The following ZC2HC1B variants were observed in gnomAD, a reference collection of about 807,000 sequenced individuals.
ZC2HC1B encodes the protein zinc finger C2HC-type containing 1B, also known as zinc finger C2HC domain-containing protein 1B.
In ZC2HC1B, 36 loss-of-function variants were observed where a neutral mutation model predicts 31.0. The observed-to-expected ratio is 1.16, with a 90% CI of 0.89 to 1.54. The LOEUF is 1.54. Among genes scored for constraint, ZC2HC1B ranks in the 40% most tolerant of loss-of-function variants. The pLI is 0.00. For synonymous variants in ZC2HC1B, 73 were observed against 88.0 expected, an observed-to-expected ratio of 0.83 and a Z score of 0.95; for missense variants, 260 against 268.6, an observed-to-expected ratio of 0.97 and a Z score of 0.22.
chr6:143,873,457 C>T (rs536336548), intron 1 of ZC2HC1B, among the ~76,000 whole-genome samples: 2 of 152,258 alleles, frequency 1.3e-5, no homozygotes, highest in South Asian at 4.1e-4. Flanking sequence ...CACAGCTCCA[C>T]CAGGGACTCT....
At chr6:143,925,140 T>C (rs939682497) in intron 6 of ZC2HC1B, among the ~76,000 whole-genome samples, 5 of 151,750 alleles carry the variant, frequency 3.3e-5, no homozygotes, top group Admixed American at 1.3e-4. Context: ...TTGGGAGACT[T>C]TTTATTACTG....
At chr6:143,879,382 A>G (rs1488403068) in intron 1 of ZC2HC1B, among the ~76,000 whole-genome samples, 1 of 152,220 alleles carries the variant, frequency 6.6e-6, no homozygotes, top group Non-Finnish European at 1.5e-5. Context: ...AAGCAAAATT[A>G]GACGGGAAGC....
rs975436718 is a variant in ZC2HC1B at position 143,868,787 on chromosome 6, C to A, written c.28+4220C>A. Among the ~76,000 whole-genome samples the A allele has an allele frequency of 6.6e-6, 1 of 152,170 alleles. No individual in the cohort carries two copies. Among genetic ancestry groups the A allele is most frequent in the Non-Finnish European group, 1.5e-5 (1 of 68,038 alleles). On this transcript the variant is annotated intron_variant, in intron 1 of 7. Transcript: ENST00000237275. This position sits in a 1 kb window ranked among gnomAD's most constrained non-coding sequence, Gnocchi z 4.2. ...TAACGTAATACAACTATCCTTAATA[C>A]AACCAGAAATGCACCAATCCCCAAC...
rs565714352 is a variant in ZC2HC1B at position 143,872,697 on chromosome 6, A to G, written c.28+8130A>G. 6.6e-6 allele frequency among the ~76,000 whole-genome samples: 1 copy of G among 152,326 alleles called. No individual in the cohort carries two copies. The highest frequency in any genetic ancestry group is 1.5e-5 in the Non-Finnish European group (1 of 68,032). On this transcript the variant is annotated intron_variant, in intron 1 of 7. Transcript: ENST00000237275. This position sits in a 1 kb window ranked among gnomAD's most constrained non-coding sequence, Gnocchi z 5.5. ...CAAAAGGCACTACTTACATGGTGGC[A>G]GCAAGAGAAAATGAGGAAAAAGCAA...
chr6:143,930,869 G>A (rs1311395896), intron 6 of ZC2HC1B, among the ~76,000 whole-genome samples: 4 of 152,012 alleles, frequency 2.6e-5, no homozygotes, highest in Non-Finnish European at 5.9e-5. Context: ...AGAATATTCT[G>A]TAAATGTCTG....
At chr6:143,926,875 C>T (rs1248801916) in intron 6 of ZC2HC1B, among the ~76,000 whole-genome samples, 8 of 116,360 alleles carry the variant, frequency 6.9e-5, no homozygotes, top group East Asian at 5.1e-4. Flanking sequence ...CTCGCTCTGT[C>T]GCCCAGGCCG....
intron 6 of ZC2HC1B, among the ~76,000 whole-genome samples, chr6:143,919,953 CT>C (rs2128496815): frequency 6.6e-6 from 1 of 151,938 alleles, no homozygotes; most frequent in Admixed American, 6.6e-5. Flanking sequence ...TAGTTTTTTC[CT>C]CATTTGGGAA....
chr6:143,891,086 G>T (rs180965303), intron 4 of ZC2HC1B, among the ~76,000 whole-genome samples: 2 of 145,738 alleles, frequency 1.4e-5, no homozygotes, highest in African/African-American at 5.1e-5. Context: ...AGCTGAGATC[G>T]CACCACTGCA....
At chr6:143,864,860 C>G (rs1162407147) in intron 1 of ZC2HC1B, among the ~76,000 whole-genome samples, 1 of 152,104 alleles carries the variant, frequency 6.6e-6, no homozygotes, top group African/African-American at 2.4e-5. Context: ...TGGTTTATGT[C>G]AATATTGAGA....
At chr6:143,937,767 T>C in intron 7 of ZC2HC1B, 34 bp downstream of exon 7, 1 of 1,470,562 alleles carries the variant, frequency 6.8e-7, no homozygotes, top group South Asian at 1.3e-5. Flanking sequence ...ATCCAGCTGT[T>C]GCTGACCAGT....
chr6:143,878,953 T>C (rs1777437762), intron 1 of ZC2HC1B, among the ~76,000 whole-genome samples: 1 of 152,152 alleles, frequency 6.6e-6, no homozygotes, highest in Admixed American at 6.5e-5. Flanking sequence ...TTCCAGAAAG[T>C]AGAATCACCT....
rs895407022 is a variant in ZC2HC1B at position 143,918,772 on chromosome 6, A to T, written c.598+15620A>T. 6.6e-6 allele frequency among the ~76,000 whole-genome samples: 1 copy of T among 152,118 alleles called. No individual in the cohort carries two copies. Among genetic ancestry groups the T allele is most frequent in the Non-Finnish European group, 1.5e-5 (1 of 68,012 alleles). Reference sequence around the variant, plus strand: ...TTTCTCTTTCTGTTCCTCAGACTTGATAATTTCCATTGTCCTGTCTTTAAG... The same window carrying T: ...TTTCTCTTTCTGTTCCTCAGACTTGTTAATTTCCATTGTCCTGTCTTTAAG... On this transcript the variant is annotated intron_variant, in intron 6 of 7. Coordinates refer to ENST00000237275, the MANE Select transcript of ZC2HC1B (RefSeq NM_001013623.3). This position sits in a 1 kb window ranked among gnomAD's most constrained non-coding sequence, Gnocchi z 4.1.
intron 1 of ZC2HC1B, among the ~76,000 whole-genome samples, chr6:143,873,092 C>T (rs1169676288): frequency 1.3e-5 from 2 of 152,160 alleles, no homozygotes; most frequent in Non-Finnish European, 2.9e-5. Context: ...CTAGTTACTT[C>T]CTAGATAAAA....
intron 1 of ZC2HC1B, among the ~76,000 whole-genome samples, chr6:143,880,961 G>T (rs574904877): frequency 3.9e-5 from 6 of 152,166 alleles, no homozygotes; most frequent in Non-Finnish European, 7.4e-5. Flanking sequence ...ATTAGTATAT[G>T]GTGTGTTCAG....
intron 1 of ZC2HC1B, among the ~76,000 whole-genome samples, chr6:143,882,555 C>A (rs1482687806): frequency 6.6e-6 from 1 of 151,568 alleles, no homozygotes; most frequent in Non-Finnish European, 1.5e-5. Flanking sequence ...CTTCCTTTTT[C>A]AAACTGTCTT....
intron 1 of ZC2HC1B, among the ~76,000 whole-genome samples, chr6:143,866,928 A>G (rs576094401): frequency 6.6e-6 from 1 of 152,330 alleles, no homozygotes; most frequent in East Asian, 1.9e-4. Flanking sequence ...ATTCTTGCAT[A>G]GTATCCAGCT....
intron 1 of ZC2HC1B, among the ~76,000 whole-genome samples, chr6:143,873,480 T>C (rs7761383): frequency 0.24 from 36,386 of 152,208 alleles, 6,195 homozygotes; most frequent in African/African-American, 0.48. Context: ...GTGGGGGCTC[T>C]ACCCCCAGAT....
intron 6 of ZC2HC1B, among the ~76,000 whole-genome samples, chr6:143,928,251 G>A (rs567246359): frequency 2.6e-5 from 4 of 152,104 alleles, no homozygotes; most frequent in East Asian, 1.9e-4. Context: ...TTTAGTTTTC[G>A]CATCATACAT....
In ZC2HC1B at chr6:143,872,637, C is replaced by T. The variant is rs1158587530; in HGVS notation, c.28+8070C>T. On this transcript the variant is annotated intron_variant, in intron 1 of 7. Transcript: ENST00000237275. The surrounding 1 kb of genome is among the most constrained non-coding windows in gnomAD (Gnocchi z 5.5). ...AGGTTTAATCAGACTTACAGTTCCA[C>T]ATGGCTGGGGAGGCCTCAGAATCAT... Among the ~76,000 whole-genome samples the T allele has an allele frequency of 6.6e-6, 1 of 152,194 alleles. No homozygotes were observed. Among genetic ancestry groups the T allele is most frequent in the African/African-American group, 2.4e-5 (1 of 41,438 alleles).
Sources: gnomAD v4.1 joint callset for allele counts (sites outside exome capture counted in the v4.1 genomes callset) on GRCh38, gnomAD v4.1.1 for gene constraint, Gnocchi (gnomAD v3.1) non-coding constraint, MANE v1.5 for transcripts, NCBI Gene and HGNC (gene_info 2026-07-23, HGNC 2026-07-21) for gene names.